Variants in ARID1B observed in about 807,000 individuals in gnomAD.
ARID1B encodes the protein AT-rich interaction domain 1B.
Under a neutral mutation model 212.3 loss-of-function variants are expected in ARID1B, and 30 were observed. That is an observed-to-expected ratio of 0.14 (90% CI 0.11 to 0.19). The LOEUF (loss-of-function observed/expected upper bound fraction) is 0.19, where lower values mean the gene tolerates loss of function less well. Among genes scored for constraint, ARID1B ranks in the 10% least tolerant of loss-of-function variants. ARID1B has a pLI of 1.00. For synonymous variants in ARID1B, 1,402 were observed against 1,301.7 expected (o/e 1.08, Z -1.66); for missense variants, 2,891 against 3,204.0 (o/e 0.90, Z 2.36).
intron 6 of ARID1B, chr6:157,111,410 G>T (rs1346135636): frequency 1.3e-5 from 2 of 152,170 alleles, no homozygotes; most frequent in African/African-American, 4.8e-5. Flanking sequence ...GCGGTGGCAG[G>T]TCACTTCCCT....
At chr6:157,183,264 G>T (rs1415616623) in intron 12 of ARID1B, among the ~76,000 whole-genome samples, 1 of 152,112 alleles carries the variant, frequency 6.6e-6, no homozygotes, top group East Asian at 1.9e-4. Flanking sequence ...TGCATTCAGT[G>T]CCAAAAGAGG....
intron 4 of ARID1B, among the ~76,000 whole-genome samples, chr6:157,046,237 A>G (rs1225977324): frequency 1.3e-5 from 2 of 152,210 alleles, no homozygotes; most frequent in African/African-American, 4.8e-5. Flanking sequence ...GGAATACACA[A>G]GTCTAAAACT....
chr6:157,106,005 T>C (rs971588603), intron 5 of ARID1B, among the ~76,000 whole-genome samples: 2 of 152,156 alleles, frequency 1.3e-5, no homozygotes, highest in African/African-American at 4.8e-5. Flanking sequence ...GTACAAAGTT[T>C]CTAGAAGGAA....
In ARID1B at chr6:156,986,583, T is replaced by C. The variant is rs114701780; in HGVS notation, c.2247+51007T>C. Reference sequence around the variant, plus strand: ...ACCTACAAAATGGGACAACAGAACTTATGTCTTCGGTGAAGATTAGCACGT... The same window carrying C: ...ACCTACAAAATGGGACAACAGAACTCATGTCTTCGGTGAAGATTAGCACGT... On this transcript the variant is annotated intron_variant, in intron 4 of 19. Transcript: ENST00000636930. Among the ~76,000 whole-genome samples the C allele has an allele frequency of 5.3e-3, 813 of 152,314 alleles. 7 individuals are homozygous for C. The highest frequency in any genetic ancestry group is 0.019 in the African/African-American group (783 of 41,568).
intron 2 of ARID1B, chr6:156,870,578 T>C (rs1645822449): frequency 6.6e-6 from 1 of 152,208 alleles, no homozygotes. Flanking sequence ...TTCCTATGCC[T>C]TGGGAGCTGC....
At chr6:156,813,858 G>T (rs1781782462) in intron 1 of ARID1B, among the ~76,000 whole-genome samples, 1 of 151,734 alleles carries the variant, frequency 6.6e-6, no homozygotes, top group South Asian at 2.1e-4. Flanking sequence ...AGCTGTTGCT[G>T]TTTTTTTTGC....
intron 1 of ARID1B, among the ~76,000 whole-genome samples, chr6:156,809,101 CT>C (rs910740952): frequency 4.0e-5 from 6 of 151,840 alleles, no homozygotes; most frequent in South Asian, 2.1e-4. Flanking sequence ...TATCAGGTGT[CT>C]TTTTTTTGGC....
At chr6:156,795,633 G>C (rs1203708092) in intron 1 of ARID1B, among the ~76,000 whole-genome samples, 1 of 152,062 alleles carries the variant, frequency 6.6e-6, no homozygotes, top group African/African-American at 2.4e-5. Flanking sequence ...GGTCATTTTG[G>C]AGCCAGATTC....
chr6:156,830,785 T>G (rs1438607985), intron 2 of ARID1B, among the ~76,000 whole-genome samples: 2 of 152,152 alleles, frequency 1.3e-5, no homozygotes, highest in Non-Finnish European at 2.9e-5. Flanking sequence ...ATAAGTCTTT[T>G]ATTTATAAAA....
chr6:156,905,248 A>G (rs979483761), intron 3 of ARID1B, among the ~76,000 whole-genome samples: 3 of 135,222 alleles, frequency 2.2e-5, no homozygotes. Flanking sequence ...TCACATATGC[A>G]CGCACACACA....
At chr6:157,037,863 GTGCCTGCTGGGGTA>G (rs1781430975) in intron 4 of ARID1B, among the ~76,000 whole-genome samples, 1 of 152,176 alleles carries the variant, frequency 6.6e-6, no homozygotes, top group South Asian at 2.1e-4. Flanking sequence ...GCAGGGTCTG[GTGCCTGCTGGGGTA>G]TGCAGAGTAG....
intron 4 of ARID1B, among the ~76,000 whole-genome samples, chr6:157,048,455 A>G (rs188212265): frequency 1.3e-5 from 2 of 152,348 alleles, no homozygotes; most frequent in Admixed American, 6.5e-5. Context: ...GGAAGTGATA[A>G]TGCAAATAAA....
intron 5 of ARID1B, among the ~76,000 whole-genome samples, chr6:157,086,549 G>T (rs185735617): frequency 6.6e-6 from 1 of 152,284 alleles, no homozygotes; most frequent in Admixed American, 6.5e-5. Flanking sequence ...AAACCTAAAT[G>T]AAAACTTTCT....
At chr6:157,029,795 G>T (rs765738821) in intron 4 of ARID1B, among the ~76,000 whole-genome samples, 2 of 152,200 alleles carry the variant, frequency 1.3e-5, no homozygotes, top group Non-Finnish European at 2.9e-5. Context: ...CAAGGCAGGC[G>T]GGAGCCACGT....
chr6:157,074,985 T>C (rs1385605275), intron 4 of ARID1B, among the ~76,000 whole-genome samples: 2 of 152,216 alleles, frequency 1.3e-5, no homozygotes, highest in Non-Finnish European at 2.9e-5. Flanking sequence ...TTATTGGCAT[T>C]GGAAGTTTCT....
At chr6:157,202,470 G>A (rs1006748015) in intron 18 of ARID1B, among the ~76,000 whole-genome samples, 3 of 152,062 alleles carry the variant, frequency 2.0e-5, no homozygotes, top group Non-Finnish European at 4.4e-5. Flanking sequence ...AGAATCACTT[G>A]AACTCAGGAA....
At chr6:156,997,897 G>C (rs1390060977) in intron 4 of ARID1B, among the ~76,000 whole-genome samples, 1 of 152,114 alleles carries the variant, frequency 6.6e-6, no homozygotes, top group Non-Finnish European at 1.5e-5. Context: ...CATTATCCCA[G>C]GGAATTGTTT....
chr6:157,103,390 A>T (rs966898586), intron 5 of ARID1B, among the ~76,000 whole-genome samples: 1 of 152,210 alleles, frequency 6.6e-6, no homozygotes, highest in African/African-American at 2.4e-5. Flanking sequence ...AACGGAATTA[A>T]ATTAAGAACT....
intron 4 of ARID1B, 173 bp downstream of exon 4, chr6:156,935,749 G>A: frequency 1.8e-6 from 1 of 564,834 alleles, no homozygotes; most frequent in East Asian, 3.0e-5. Flanking sequence ...CTGTAGTCCT[G>A]GATAAGTCTA....
Sources: allele counts gnomAD v4.1 joint callset (sites outside exome capture counted in the v4.1 genomes callset), GRCh38; gene constraint gnomAD v4.1.1; transcripts MANE v1.5; gene names NCBI Gene and HGNC (gene_info 2026-07-23, HGNC 2026-07-21).